Variants in SOX6 observed in about 807,000 individuals in gnomAD.
The protein encoded by SOX6 is transcription factor SOX-6.
SOX6 carries 11 observed loss-of-function variants against 97.8 expected under a neutral mutation model. That is an observed-to-expected ratio of 0.11 (90% CI 0.07 to 0.19). The LOEUF is 0.19. Among genes scored for constraint, SOX6 ranks in the 10% least tolerant of loss-of-function variants. SOX6 has a pLI of 1.00. For missense variants in SOX6, 810 were observed against 1,039.5 expected, an observed-to-expected ratio of 0.78 and a Z score of 3.04; for synonymous variants, 360 against 371.4, an observed-to-expected ratio of 0.97 and a Z score of 0.35.
chr11:16,650,502 T>C (rs1847632927), intron 3 of SOX6, among the ~76,000 whole-genome samples: 2 of 151,998 alleles, frequency 1.3e-5, no homozygotes, highest in African/African-American at 4.8e-5. Context: ...CACATGGATA[T>C]TAAATAATCT....
intron 6 of SOX6, among the ~76,000 whole-genome samples, chr11:16,147,659 A>T (rs1407898949): frequency 6.6e-6 from 1 of 152,072 alleles, no homozygotes; most frequent in Non-Finnish European, 1.5e-5. Context: ...TTTCTCCCCA[A>T]ATGCAAACTT....
chr11:16,057,838 T>C lies in SOX6; in HGVS notation c.1102-1937A>G, dbSNP rs575482123. Among the ~76,000 whole-genome samples, 9 of 152,276 alleles carry C rather than the reference T, an allele frequency of 5.9e-5. No individual in the cohort carries two copies. The East Asian group carries it at 1.4e-3, about 23-fold the overall frequency. On this transcript the variant is annotated intron_variant, in intron 9 of 15. Transcript: ENST00000683767. ...TGATATGTTGCCTTCCTATTCTTGT[T>C]ATTAAGGAAGCCTGACACTATTTTG...
chr11:16,717,113 T>C (rs566297590), intron 2 of SOX6, among the ~76,000 whole-genome samples: 2 of 152,276 alleles, frequency 1.3e-5, no homozygotes, highest in South Asian at 4.1e-4. Context: ...TTTTATATTA[T>C]GAATTAAAAT....
chr11:16,709,017 A>C (rs1848157126), intron 3 of SOX6, among the ~76,000 whole-genome samples: 1 of 152,192 alleles, frequency 6.6e-6, no homozygotes, highest in Admixed American at 6.5e-5. Flanking sequence ...TTGCATTGCC[A>C]ATACAGAATG....
chr11:16,398,871 T>C (rs1367033628), intron 1 of SOX6, among the ~76,000 whole-genome samples: 1 of 151,046 alleles, frequency 6.6e-6, no homozygotes, highest in African/African-American at 2.4e-5. Context: ...CTGGAATGAC[T>C]AGTAGACCAA....
At chr11:16,657,541 T>A (rs1847732304) in intron 3 of SOX6, among the ~76,000 whole-genome samples, 1 of 152,250 alleles carries the variant, frequency 6.6e-6, no homozygotes, top group Non-Finnish European at 1.5e-5. Flanking sequence ...AAACTGGCTG[T>A]ACCATTTTGC....
chr11:16,666,744 C>T (rs190100337), intron 3 of SOX6, among the ~76,000 whole-genome samples: 4 of 151,940 alleles, frequency 2.6e-5, no homozygotes, highest in South Asian at 2.1e-4. Flanking sequence ...TGCAGTGAAC[C>T]GAGATCGTGC....
chr11:16,381,702 C>G (rs1857825877), intron 1 of SOX6, among the ~76,000 whole-genome samples: 1 of 151,858 alleles, frequency 6.6e-6, no homozygotes, highest in Non-Finnish European at 1.5e-5. Context: ...GAAACCTTTT[C>G]TTTTTCAGTA....
intron 4 of SOX6, among the ~76,000 whole-genome samples, chr11:16,224,790 A>T (rs1852635791): frequency 6.6e-6 from 1 of 152,214 alleles, no homozygotes; most frequent in South Asian, 2.1e-4. Context: ...CAATCAAGAG[A>T]CTATGTAAAA....
intron 13 of SOX6, among the ~76,000 whole-genome samples, chr11:15,992,476 A>G (rs750655518): frequency 6.6e-6 from 1 of 152,092 alleles, no homozygotes; most frequent in Non-Finnish European, 1.5e-5. Flanking sequence ...CTATCTCCCA[A>G]ATATGTAGTA....
chr11:16,460,555 A>C (rs971385432), intron 1 of SOX6, among the ~76,000 whole-genome samples: 3 of 152,082 alleles, frequency 2.0e-5, no homozygotes, highest in Admixed American at 2.0e-4. Context: ...TTATTTCAAT[A>C]AGTCTTTTCT....
At chr11:15,989,456 T>C (rs1031829293) in intron 13 of SOX6, among the ~76,000 whole-genome samples, 55 of 152,142 alleles carry the variant, frequency 3.6e-4, no homozygotes, top group Admixed American at 2.0e-3. Flanking sequence ...TTATACACCC[T>C]ACCACATTTA....
intron 2 of SOX6, among the ~76,000 whole-genome samples, chr11:16,721,579 CCT>C (rs369867101): frequency 1.9e-4 from 4 of 21,326 alleles, no homozygotes; most frequent in Non-Finnish European, 3.0e-4. Flanking sequence ...TCCCTCCCTC[CCT>C]CTCTCTCTCT....
chr11:16,448,502 A>G (rs1410610901), intron 1 of SOX6, among the ~76,000 whole-genome samples: 1 of 152,168 alleles, frequency 6.6e-6, no homozygotes, highest in Non-Finnish European at 1.5e-5. Flanking sequence ...AAAGAAGTGA[A>G]TATGATTCAA....
In SOX6 at chr11:16,424,660, G is replaced by A. The variant is rs150985455; in HGVS notation, c.-5+51655C>T. On this transcript the variant is annotated intron_variant, in intron 1 of 15. Transcript: ENST00000396356. ...AGAACATGAAGCAATGTGAGGTGAA[G>A]AAACAGAAAAGACTATGGATGGAAT... Among the ~76,000 whole-genome samples the A allele has an allele frequency of 1.9e-3, 286 of 152,292 alleles. 1 individual carries two copies. Among genetic ancestry groups the A allele is most frequent in the Admixed American group, 4.2e-3 (65 of 15,298 alleles).
At chr11:16,424,621 C>T (rs1466928) in intron 1 of SOX6, among the ~76,000 whole-genome samples, 151,622 of 152,342 alleles carry the variant, frequency 1, 75,458 homozygotes, top group Middle Eastern at 1. Flanking sequence ...GAAAAGATAG[C>T]TTTAAGTGGC....
chr11:16,299,551 T>A (rs902415191), intron 3 of SOX6, among the ~76,000 whole-genome samples: 15 of 152,282 alleles, frequency 9.9e-5, no homozygotes, highest in African/African-American at 2.4e-4. Flanking sequence ...TTCTTTTTTT[T>A]AAAATCACCA....
At chr11:16,678,647 C>T (rs1248668496) in intron 3 of SOX6, among the ~76,000 whole-genome samples, 1 of 152,186 alleles carries the variant, frequency 6.6e-6, no homozygotes, top group Non-Finnish European at 1.5e-5. Context: ...CAGGGCAGGA[C>T]ATTGCCTCAT....
intron 4 of SOX6, among the ~76,000 whole-genome samples, chr11:16,502,681 G>T (rs1202834263): frequency 6.6e-6 from 1 of 152,074 alleles, no homozygotes; most frequent in Non-Finnish European, 1.5e-5. Flanking sequence ...AAGAAAAAAA[G>T]AACTTTTAAG....
Sources: allele counts gnomAD v4.1 joint callset (sites outside exome capture counted in the v4.1 genomes callset), GRCh38; gene constraint gnomAD v4.1.1; transcripts MANE v1.5; gene names NCBI Gene and HGNC (gene_info 2026-07-23, HGNC 2026-07-21).